NDRG1: variants seen among roughly 807,000 people sequenced by gnomAD.
NDRG1 encodes the protein protein NDRG1.
In NDRG1, 32 loss-of-function variants were observed where a neutral mutation model predicts 56.9. That is an observed-to-expected ratio of 0.56 (90% CI 0.42 to 0.76). The LOEUF is 0.76. Among genes scored for constraint, NDRG1 ranks in the 30% least tolerant of loss-of-function variants. The pLI, the probability that NDRG1 is intolerant of heterozygous loss-of-function variation, is 0.00. For synonymous variants in NDRG1, 211 were observed against 204.1 expected, an observed-to-expected ratio of 1.03 and a Z score of -0.29; for missense variants, 507 against 545.7, an observed-to-expected ratio of 0.93 and a Z score of 0.71.
chr8:133,282,543 TTTG>T (rs1195640508), intron 2 of NDRG1, among the ~76,000 whole-genome samples: 7 of 152,250 alleles, frequency 4.6e-5, no homozygotes, highest in African/African-American at 1.4e-4. Flanking sequence ...GTGATATGTA[TTTG>T]TTCTATCTAG....
chr8:133,287,683 C>T (rs918150969), intron 1 of NDRG1, among the ~76,000 whole-genome samples: 2 of 152,190 alleles, frequency 1.3e-5, no homozygotes, highest in African/African-American at 4.8e-5. Context: ...ATTTGGGCCC[C>T]ACAAGCAGCC....
At chr8:133,245,650 C>T (rs1308134160) in intron 13 of NDRG1, among the ~76,000 whole-genome samples, 1 of 152,118 alleles carries the variant, frequency 6.6e-6, no homozygotes, top group Non-Finnish European at 1.5e-5. Flanking sequence ...TCAGAGGGAG[C>T]ACGGCCCTGC....
chr8:133,260,996 C>A (rs968093081), intron 5 of NDRG1, among the ~76,000 whole-genome samples: 4 of 152,154 alleles, frequency 2.6e-5, no homozygotes, highest in Non-Finnish European at 5.9e-5. Flanking sequence ...CACGAGCTGA[C>A]AAGGGCCAGG....
In NDRG1 at chr8:133,237,850, C is replaced by T. The variant is rs1855143730; in HGVS notation, c.*1028G>A. Reference sequence around the variant, plus strand: ...AAATTCCTGGAACCAAGCTGGGATCCACAGAAATCACAACTGCACTGGATC... The same window carrying T: ...AAATTCCTGGAACCAAGCTGGGATCTACAGAAATCACAACTGCACTGGATC... On this transcript the variant is annotated 3_prime_UTR_variant, in exon 16 of 16. Coordinates refer to ENST00000323851, the MANE Select transcript of NDRG1 (RefSeq NM_006096.4). The T allele has an allele frequency of 4.3e-6, 1 of 232,872 alleles. No individual in the cohort carries two copies. The highest frequency in any genetic ancestry group is 1.8e-4 in the South Asian group (1 of 5,528). 14.4% of individuals were successfully genotyped at this position (232,872 alleles called of 1,614,324 possible).
In NDRG1 at chr8:133,237,447, T is replaced by C. The variant is rs1855115106; in HGVS notation, c.*1431A>G. On this transcript the variant is annotated 3_prime_UTR_variant, in exon 16 of 16. Coordinates refer to ENST00000323851, the MANE Select transcript of NDRG1 (RefSeq NM_006096.4). The stretch of plus-strand genomic sequence containing the variant: ...TCGGGTCCCAGTGGCTGACTTACAA[T>C]ATTCAATTCACTCTGACCAAACTTC... 1 of 232,484 alleles carries C rather than the reference T, an allele frequency of 4.3e-6. No homozygotes were observed. The highest frequency in any genetic ancestry group is 2.2e-5 in the African/African-American group (1 of 45,290). 14.4% of individuals were successfully genotyped at this position (232,484 alleles called of 1,614,324 possible).
At position 133,268,863 on chromosome 8, in the gene NDRG1, T is replaced by TCACACACA. The variant is rs10569573; in HGVS notation, c.100-4219_100-4212dup. ...CTGTACCCAAGTCCCATCCCCTAAGTCACACACACACACACACACACACAC... is the reference window on the plus strand; with the variant it reads ...CTGTACCCAAGTCCCATCCCCTAAGTCACACACACACACACACACACACACACACACAC... On this transcript the variant is annotated intron_variant, in intron 3 of 15. Transcript: ENST00000323851. 7.0e-4 allele frequency among the ~76,000 whole-genome samples: 105 copies of TCACACACA among 149,560 alleles called. 1 individual carries two copies. Among genetic ancestry groups the TCACACACA allele is most frequent in the Middle Eastern group, 3.4e-3 (1 of 294 alleles).
intron 12 of NDRG1, among the ~76,000 whole-genome samples, chr8:133,246,993 T>C (rs58544572): frequency 6.6e-6 from 1 of 152,212 alleles, no homozygotes; most frequent in Admixed American, 6.5e-5. Flanking sequence ...TAAATAAATA[T>C]CCTTGTTTAA....
intron 10 of NDRG1, among the ~76,000 whole-genome samples, chr8:133,250,197 C>T (rs1006096902): frequency 6.6e-6 from 1 of 152,224 alleles, no homozygotes; most frequent in Non-Finnish European, 1.5e-5. Context: ...GTCCCTCTCA[C>T]GTCTGCACCC....
At chr8:133,255,029 C>T (rs1856291837) in intron 8 of NDRG1, 1 of 327,808 alleles carries the variant, frequency 3.1e-6, no homozygotes, top group South Asian at 2.6e-5. Flanking sequence ...AAGCCAGTTT[C>T]CCCTTTCTAA....
chr8:133,288,639 G>A (rs1343473335), intron 1 of NDRG1, among the ~76,000 whole-genome samples: 2 of 152,182 alleles, frequency 1.3e-5, no homozygotes. Context: ...ACAGAATGTT[G>A]GGACCCACTA....
chr8:133,283,324 T>C (rs1372626418), intron 2 of NDRG1, among the ~76,000 whole-genome samples: 1 of 152,264 alleles, frequency 6.6e-6, no homozygotes, highest in Non-Finnish European at 1.5e-5. Context: ...GGCTTTAGAC[T>C]AACTTCACTT....
chr8:133,284,425 C>A (rs577744227), intron 1 of NDRG1, 96 bp from the exon 2 acceptor site: 2 of 1,098,088 alleles, frequency 1.8e-6, no homozygotes, highest in Non-Finnish European at 2.8e-6. Context: ...GCCAGGCCTG[C>A]GCTCTGCCCA....
chr8:133,284,100 G>A (rs1857965117), intron 2 of NDRG1, 149 bp downstream of exon 2: 2 of 741,894 alleles, frequency 2.7e-6, no homozygotes, highest in Admixed American at 2.0e-5. Flanking sequence ...TGTGTGTGCA[G>A]CATGTTTGTA....
chr8:133,250,531 T>G lies in NDRG1; in HGVS notation c.607A>C (p.Ser203Arg), dbSNP rs764949555. The change falls in exon 10 of 16, where the codon AGT becomes CGT. Residue 203 changes from serine (S) to arginine (R), a missense_variant. Physicochemically the swap from Ser to Arg is moderately radical, Grantham distance 110. Transcript: ENST00000323851. ...TAGGTGTGGACCACTTCCACGTTAC[T>G]CTGCATTTCTTCCTGCATTTAGAGA... The part of the protein sequence containing the change: ...SHLFGKEEMQ[S>R]NVEVVHTYRQ... 2 of 1,614,082 alleles carry G rather than the reference T, an allele frequency of 1.2e-6. No homozygotes were observed. Among genetic ancestry groups the G allele is most frequent in the South Asian group, 2.2e-5 (2 of 91,080 alleles).
At chr8:133,249,649 G>T (rs916208603) in intron 10 of NDRG1, among the ~76,000 whole-genome samples, 2 of 152,168 alleles carry the variant, frequency 1.3e-5, no homozygotes, top group African/African-American at 4.8e-5. Context: ...CCAGTTCTCA[G>T]AAAGTGTTTA....
At position 133,264,543 on chromosome 8, in the gene NDRG1, T is replaced by C; in HGVS notation, c.205+4A>G. The stretch of plus-strand genomic sequence containing the variant: ...ACAGGGAATCAGAGCTCCTCAGAAC[T>C]TACGGTTCATGCCGATGTCATGGTA... On this transcript the variant is annotated splice_donor_region_variant and intron_variant, in intron 4 of 15. Transcript: ENST00000323851. 6.2e-7 allele frequency: 1 copy of C among 1,613,984 alleles called. No individual in the cohort carries two copies. Among genetic ancestry groups the C allele is most frequent in the Non-Finnish European group, 8.5e-7 (1 of 1,179,866 alleles).
rs778708361 is a variant in NDRG1 at position 133,284,280 on chromosome 8, G to A, written c.32C>T (p.Ala11Val). Residue 11 changes from alanine (A) to valine (V), a missense_variant, in exon 2 of 16, where the codon GCT becomes GTT. Physicochemically the swap from Ala to Val is moderately conservative, Grantham distance 64. Transcript: ENST00000323851. MSREMQDVDL[A>V]EVKPLVEKGE... The stretch of plus-strand genomic sequence containing the variant: ...TTTCTCCACCAAAGGCTTCACCTCA[G>A]CGAGGTCTACATCCTGCATCTCCCG... 1 of 1,614,126 alleles carries A rather than the reference G, an allele frequency of 6.2e-7. No individual in the cohort carries two copies. The highest frequency in any genetic ancestry group is 2.2e-5 in the East Asian group (1 of 44,872).
rs114975178 is a variant in NDRG1, at chr8:133,261,647, C to A, written c.326+400G>T. ...CCAGACTTCTAGGTTTTTCTTCACA[C>A]TATTTGGTGGTGTCAAGTCCTCCTC... On this transcript the variant is annotated intron_variant, in intron 5 of 15. Transcript: ENST00000323851. Among the ~76,000 whole-genome samples, 467 of 152,306 alleles carry A rather than the reference C, an allele frequency of 3.1e-3. 5 individuals carry two copies. The highest frequency in any genetic ancestry group is 0.011 in the African/African-American group (452 of 41,564).
At chr8:133,256,698 G>A (rs1856390591) in intron 8 of NDRG1, 79 bp downstream of exon 8, 4 of 1,380,304 alleles carry the variant, frequency 2.9e-6, no homozygotes, top group Non-Finnish European at 3.1e-6. Flanking sequence ...GTAGCTCCAG[G>A]GATCCCCCAG....
Sources: allele counts gnomAD v4.1 joint callset (sites outside exome capture counted in the v4.1 genomes callset), GRCh38; gene constraint gnomAD v4.1.1; transcripts MANE v1.5; gene names NCBI Gene and HGNC (gene_info 2026-07-23, HGNC 2026-07-21).